The following EXOC4 variants were observed in gnomAD, a reference collection of about 807,000 sequenced individuals.
The protein encoded by EXOC4 is SEC8-like 1.
In EXOC4, 71 loss-of-function variants were observed where a neutral mutation model predicts 107.2. The ratio of observed to expected loss-of-function variants is 0.66; its 90% CI spans 0.55 to 0.81. The LOEUF (loss-of-function observed/expected upper bound fraction) is 0.81, where lower values mean the gene tolerates loss of function less well. EXOC4 is among the 30% of genes least tolerant of loss of function. The probability of loss-of-function intolerance (pLI) is 0.00; values close to 1 mark genes in which losing one functional copy is unlikely to be tolerated. For missense variants in EXOC4, 1,108 were observed against 1,189.6 expected (o/e 0.93, Z 1.01); for synonymous variants, 456 against 441.2 (o/e 1.03, Z -0.42).
chr7:133,461,499 A>G (rs1353801979), intron 7 of EXOC4, among the ~76,000 whole-genome samples: 1 of 152,240 alleles, frequency 6.6e-6, no homozygotes, highest in East Asian at 1.9e-4. Context: ...CAGATAAACA[A>G]TATAAAATCA....
intron 11 of EXOC4, among the ~76,000 whole-genome samples, chr7:133,837,851 C>G (rs1797949194): frequency 6.6e-6 from 1 of 152,134 alleles, no homozygotes; most frequent in African/African-American, 2.4e-5. Flanking sequence ...CTTCCTAACT[C>G]AAAAACTTAG....
chr7:134,005,656 G>C (rs1238781275), intron 16 of EXOC4, among the ~76,000 whole-genome samples: 1 of 152,136 alleles, frequency 6.6e-6, no homozygotes, highest in Non-Finnish European at 1.5e-5. Context: ...AAAATGTGAT[G>C]GCACCCAAAT....
At chr7:133,686,371 C>A (rs1466875949) in intron 10 of EXOC4, among the ~76,000 whole-genome samples, 1 of 152,012 alleles carries the variant, frequency 6.6e-6, no homozygotes, top group African/African-American at 2.4e-5. Context: ...ATTTTTTTCC[C>A]ACACCATAGG....
intron 11 of EXOC4, among the ~76,000 whole-genome samples, chr7:133,847,630 C>G (rs1798157610): frequency 6.6e-6 from 1 of 151,052 alleles, no homozygotes; most frequent in South Asian, 2.1e-4. Flanking sequence ...GGTTATCAGC[C>G]CACCTCGGGC....
At chr7:133,802,052 T>C (rs1173585509) in intron 10 of EXOC4, among the ~76,000 whole-genome samples, 1 of 152,216 alleles carries the variant, frequency 6.6e-6, no homozygotes, top group Admixed American at 6.5e-5. Flanking sequence ...TCTAGAATCT[T>C]TGAACCTGTG....
At chr7:133,968,044 T>C (rs1801112360) in intron 14 of EXOC4, among the ~76,000 whole-genome samples, 2 of 152,220 alleles carry the variant, frequency 1.3e-5, no homozygotes, top group Admixed American at 1.3e-4. Flanking sequence ...TTTAGGATAG[T>C]TAGCTCTTCT....
At chr7:133,649,049 C>T (rs948268577) in intron 10 of EXOC4, among the ~76,000 whole-genome samples, 2 of 152,138 alleles carry the variant, frequency 1.3e-5, no homozygotes, top group African/African-American at 2.4e-5. Flanking sequence ...GTATACCACT[C>T]ATACAGGGAA....
chr7:133,949,215 T>G (rs1270043665), intron 14 of EXOC4, among the ~76,000 whole-genome samples: 4 of 152,150 alleles, frequency 2.6e-5, no homozygotes, highest in Non-Finnish European at 5.9e-5. Context: ...ATACTGTGAT[T>G]TATATTAAAT....
intron 11 of EXOC4, among the ~76,000 whole-genome samples, chr7:133,880,807 A>G (rs1340373204): frequency 1.3e-5 from 2 of 152,200 alleles, no homozygotes; most frequent in South Asian, 2.1e-4. Context: ...TCTACCCAAA[A>G]TGTTAAAAAT....
intron 17 of EXOC4, among the ~76,000 whole-genome samples, chr7:134,049,540 G>T (rs1049759264): frequency 2.6e-5 from 4 of 152,116 alleles, no homozygotes; most frequent in African/African-American, 7.2e-5. Flanking sequence ...CTTCATATTT[G>T]CCTCATTGTT....
intron 10 of EXOC4, among the ~76,000 whole-genome samples, chr7:133,679,497 G>A (rs931343673): frequency 6.6e-6 from 1 of 151,838 alleles, no homozygotes; most frequent in Non-Finnish European, 1.5e-5. Flanking sequence ...CCTTTAGCCT[G>A]ATGTTCCAGG....
rs150069218 is a variant in EXOC4 at position 133,292,021 on chromosome 7, G to A, written c.471+2905G>A. Among the ~76,000 whole-genome samples, 26 of 152,246 alleles carry A rather than the reference G, an allele frequency of 1.7e-4. No homozygotes were observed. In the East Asian group the frequency reaches 5.0e-3, roughly 29 times the overall value. ...ACTTTATAATACATCTTGATAGGAG[G>A]TGAAGAGATTCTCTCATCTTGCTAT... is the stretch of plus-strand genomic sequence containing the variant. On this transcript the variant is annotated intron_variant, in intron 3 of 17. Transcript: ENST00000253861.
intron 2 of EXOC4, among the ~76,000 whole-genome samples, chr7:133,282,206 T>A (rs1794173242): frequency 6.6e-6 from 1 of 152,226 alleles, no homozygotes; most frequent in Admixed American, 6.5e-5. Flanking sequence ...CTGCCGTCTG[T>A]ATCATCTCAC....
chr7:133,912,708 G>A (rs1381176957), intron 12 of EXOC4, among the ~76,000 whole-genome samples: 3 of 152,078 alleles, frequency 2.0e-5, no homozygotes, highest in Admixed American at 6.6e-5. Context: ...AGAAGAAATC[G>A]ACTCTGTCCT....
intron 9 of EXOC4, among the ~76,000 whole-genome samples, chr7:133,560,260 T>A (rs541821948): frequency 1.1e-4 from 17 of 152,090 alleles, no homozygotes; most frequent in Admixed American, 1.1e-3. Context: ...GAAATTTGCC[T>A]TCTTATTTTG....
intron 10 of EXOC4, among the ~76,000 whole-genome samples, chr7:133,737,934 C>CTTATTT (rs1795483115): frequency 3.7e-5 from 1 of 26,830 alleles, no homozygotes; most frequent in African/African-American, 9.9e-5. Flanking sequence ...TTTTTTGAGA[C>CTTATTT]GGGGTCTTGC....
chr7:133,695,180 ATTT>A (rs67392433), intron 10 of EXOC4, among the ~76,000 whole-genome samples: 8 of 148,944 alleles, frequency 5.4e-5, no homozygotes, highest in South Asian at 2.1e-4. Context: ...CATGAGATTC[ATTT>A]TTTTTTTTTT....
chr7:133,945,706 C>G (rs910360521), intron 14 of EXOC4, among the ~76,000 whole-genome samples: 3 of 152,204 alleles, frequency 2.0e-5, no homozygotes, highest in African/African-American at 7.2e-5. Flanking sequence ...CCCCATCCCC[C>G]AACCGCACAG....
intron 17 of EXOC4, among the ~76,000 whole-genome samples, chr7:134,043,085 A>G (rs1490425137): frequency 6.6e-6 from 1 of 152,152 alleles, no homozygotes; most frequent in Admixed American, 6.5e-5. Context: ...CCCCCACTGC[A>G]GTCTCCCTCA....
Sources: gnomAD v4.1 joint callset for allele counts (sites outside exome capture counted in the v4.1 genomes callset) on GRCh38, gnomAD v4.1.1 for gene constraint, MANE v1.5 for transcripts, NCBI Gene and HGNC (gene_info 2026-07-23, HGNC 2026-07-21) for gene names.